CCDC73: variants seen among roughly 807,000 people sequenced by gnomAD.
CCDC73 encodes the protein coiled-coil domain-containing protein 73.
Under a neutral mutation model 116.5 loss-of-function variants are expected in CCDC73, and 95 were observed. The observed-to-expected ratio is 0.82, with a 90% CI of 0.69 to 0.97. The LOEUF is 0.97. Ranked by LOEUF, CCDC73 falls within the 50% of genes least tolerant of loss-of-function variation. The probability of loss-of-function intolerance (pLI) is 0.00; values close to 1 mark genes in which losing one functional copy is unlikely to be tolerated. For missense variants in CCDC73, 1,066 were observed against 1,206.8 expected, an observed-to-expected ratio of 0.88 and a Z score of 1.73; for synonymous variants, 398 against 401.3, an observed-to-expected ratio of 0.99 and a Z score of 0.10.
At position 32,776,138 on chromosome 11, in the gene CCDC73, G is replaced by A. The variant is rs182214353; in HGVS notation, c.-15-15880C>T. Among the ~76,000 whole-genome samples, 28 of 151,904 alleles carry A rather than the reference G, an allele frequency of 1.8e-4. No individual in the cohort carries two copies. In the East Asian group the frequency reaches 3.9e-3, roughly 21 times the overall value. On this transcript the variant is annotated intron_variant, in intron 1 of 17. Coordinates refer to ENST00000335185, the MANE Select transcript of CCDC73 (RefSeq NM_001008391.4). ...CCTAAATCTAATCTCTAAATGGACC[G>A]GTTTGTTCTTCCTTCTAATTTGCTC...
chr11:32,782,816 TAAGA>T (rs1215075105), intron 1 of CCDC73, among the ~76,000 whole-genome samples: 7 of 151,812 alleles, frequency 4.6e-5, no homozygotes, highest in Non-Finnish European at 1.0e-4. Context: ...TTATAAAAAT[TAAGA>T]TAGTGGAAAT....
intron 14 of CCDC73, among the ~76,000 whole-genome samples, chr11:32,624,300 G>T (rs1004053252): frequency 1.3e-5 from 2 of 151,860 alleles, no homozygotes; most frequent in African/African-American, 4.8e-5. Flanking sequence ...AGATGATGCT[G>T]TTACACTCCA....
chr11:32,616,019 C>T lies in CCDC73; in HGVS notation c.1296G>A (p.Glu432=), dbSNP rs1440792961. The T allele has an allele frequency of 6.2e-7, 1 of 1,602,156 alleles. No individual in the cohort carries two copies. The highest frequency in any genetic ancestry group is 8.5e-7 in the Non-Finnish European group (1 of 1,174,402). Residue 432 remains glutamate (E), a synonymous_variant, in exon 15 of 18, where the codon GAG becomes GAA. Transcript: ENST00000335185. ...TEQEIREENM[E]NFCSDTEYRE... ...TGTATTCAGTATCTGAACAAAAATT[C>T]TCCATATTTTCTTCCCTTATTTCTT...
chr11:32,686,685 T>C (rs1856204963), intron 6 of CCDC73, among the ~76,000 whole-genome samples: 1 of 152,178 alleles, frequency 6.6e-6, no homozygotes, highest in African/African-American at 2.4e-5. Context: ...CACACCTTAT[T>C]ATCTCTGCAT....
chr11:32,637,851 C>T (rs1352807215), intron 13 of CCDC73, among the ~76,000 whole-genome samples: 1 of 152,170 alleles, frequency 6.6e-6, no homozygotes, highest in Non-Finnish European at 1.5e-5. Context: ...TATCTCCTCC[C>T]CAACCTCTCT....
intron 4 of CCDC73, among the ~76,000 whole-genome samples, chr11:32,702,634 A>G (rs982210282): frequency 5.3e-5 from 8 of 152,244 alleles, no homozygotes; most frequent in Non-Finnish European, 8.8e-5. Context: ...AGATGAAAAT[A>G]TATTTCCATC....
intron 14 of CCDC73, 78 bp from the exon 15 acceptor site, chr11:32,616,207 G>T (rs1855473713): frequency 8.0e-6 from 11 of 1,375,170 alleles, no homozygotes; most frequent in Non-Finnish European, 1.1e-5. Flanking sequence ...GATAAATGTG[G>T]AATCTGTGTT....
chr11:32,689,896 G>A (rs1316256819), intron 6 of CCDC73, among the ~76,000 whole-genome samples: 5 of 152,102 alleles, frequency 3.3e-5, no homozygotes, highest in Non-Finnish European at 5.9e-5. Context: ...TCAGGAGGCC[G>A]AGGCAGGAGA....
At chr11:32,822,617 T>C in the CCDC73 span, among the ~76,000 whole-genome samples, 1 of 152,202 alleles carries the variant, frequency 6.6e-6, no homozygotes, top group Non-Finnish European at 1.5e-5. Context: ...TGCTGATATT[T>C]GGCTGTTTTT....
chr11:32,817,706 C>A, the CCDC73 span, among the ~76,000 whole-genome samples: 3 of 152,326 alleles, frequency 2.0e-5, no homozygotes, highest in African/African-American at 7.2e-5. Flanking sequence ...TCATTTAAAA[C>A]ACTCTGTCAT....
intron 6 of CCDC73, among the ~76,000 whole-genome samples, chr11:32,686,775 T>C (rs1278889310): frequency 6.6e-6 from 1 of 152,216 alleles, no homozygotes; most frequent in Non-Finnish European, 1.5e-5. Flanking sequence ...AACTCCCACA[T>C]AGCTGCATTT....
At chr11:32,771,305 C>T (rs1850490843) in intron 1 of CCDC73, among the ~76,000 whole-genome samples, 1 of 152,094 alleles carries the variant, frequency 6.6e-6, no homozygotes, top group African/African-American at 2.4e-5. Flanking sequence ...AAAGGAAAGG[C>T]CTTTCAAACA....
chr11:32,733,525 C>A (rs1331511326), intron 2 of CCDC73, among the ~76,000 whole-genome samples: 3 of 152,158 alleles, frequency 2.0e-5, no homozygotes, highest in African/African-American at 7.2e-5. Flanking sequence ...GGAAGTTAAG[C>A]ACTCCTCAGC....
chr11:32,629,552 A>T (rs1855609016), intron 14 of CCDC73, among the ~76,000 whole-genome samples: 2 of 151,964 alleles, frequency 1.3e-5, no homozygotes. Flanking sequence ...GGCATGCGCC[A>T]CCACGCCCGG....
the CCDC73 span, among the ~76,000 whole-genome samples, chr11:32,806,630 C>CAAAAAAAAAA: frequency 8.0e-6 from 1 of 125,576 alleles, no homozygotes. Flanking sequence ...AGACCTGTCT[C>CAAAAAAAAAA]AAAAAAAAAA....
chr11:32,620,417 G>A (rs55863636), intron 14 of CCDC73, among the ~76,000 whole-genome samples: 23,916 of 151,714 alleles, frequency 0.16, 2,015 homozygotes, highest in South Asian at 0.27. Flanking sequence ...TGTATCACCT[G>A]GCTAACAAGG....
intron 2 of CCDC73, among the ~76,000 whole-genome samples, chr11:32,758,099 A>G (rs113445707): frequency 0.01 from 1,574 of 152,316 alleles, 26 homozygotes; most frequent in African/African-American, 0.036. Context: ...GGTAAATGGG[A>G]AAAACAGTAA....
At chr11:32,681,054 G>A (rs1055346375) in intron 7 of CCDC73, 1 of 151,650 alleles carries the variant, frequency 6.6e-6, no homozygotes, top group African/African-American at 2.4e-5. Context: ...TATTCTACTG[G>A]GAAAGAAAGT....
intron 1 of CCDC73, among the ~76,000 whole-genome samples, chr11:32,785,248 CTTGTT>C (rs1476920736): frequency 2.6e-5 from 4 of 152,054 alleles, no homozygotes; most frequent in Non-Finnish European, 5.9e-5. Context: ...TTATAAAACT[CTTGTT>C]TTAATTTTAT....
Sources: gnomAD v4.1 joint callset for allele counts (sites outside exome capture counted in the v4.1 genomes callset) on GRCh38, gnomAD v4.1.1 for gene constraint, MANE v1.5 for transcripts, NCBI Gene and HGNC (gene_info 2026-07-23, HGNC 2026-07-21) for gene names.